The following UBE2E2 variants were observed in gnomAD, a reference collection of about 807,000 sequenced individuals.
UBE2E2 encodes ubiquitin-conjugating enzyme E2 E2.
In UBE2E2, 6 loss-of-function variants were observed where a neutral mutation model predicts 24.7. The observed-to-expected ratio is 0.24, with a 90% CI of 0.13 to 0.48. UBE2E2 has a LOEUF of 0.48. UBE2E2 is among the 20% of genes least tolerant of loss of function. UBE2E2 has a pLI of 0.99. For synonymous variants in UBE2E2, 104 were observed against 83.6 expected (o/e 1.24, Z -1.33); for missense variants, 169 against 245.0 (o/e 0.69, Z 2.07).
chr3:23,234,289 G>T (rs1260558892), intron 3 of UBE2E2, among the ~76,000 whole-genome samples: 1 of 151,838 alleles, frequency 6.6e-6, no homozygotes, highest in Non-Finnish European at 1.5e-5. Flanking sequence ...CAAACTGAGT[G>T]CAGCTTTGTA....
intron 3 of UBE2E2, among the ~76,000 whole-genome samples, chr3:23,281,422 G>A (rs1559331781): frequency 6.6e-6 from 1 of 152,214 alleles, no homozygotes; most frequent in Non-Finnish European, 1.5e-5. Context: ...CTTGAAGCCA[G>A]AAGTTTGAGA....
chr3:23,357,903 A>T (rs1317862571), intron 3 of UBE2E2, among the ~76,000 whole-genome samples: 2 of 152,188 alleles, frequency 1.3e-5, no homozygotes, highest in African/African-American at 4.8e-5. Context: ...CACTGGCACA[A>T]TCACAGCTCA....
At chr3:23,205,320 C>T (rs1696118499) in intron 1 of UBE2E2, among the ~76,000 whole-genome samples, 3 of 152,060 alleles carry the variant, frequency 2.0e-5, no homozygotes, top group Admixed American at 6.6e-5. Flanking sequence ...ATAATCGGAT[C>T]AGATTAGCTA....
intron 3 of UBE2E2, among the ~76,000 whole-genome samples, chr3:23,321,696 C>T (rs932656034): frequency 6.7e-6 from 1 of 149,176 alleles, no homozygotes; most frequent in Non-Finnish European, 1.5e-5. Context: ...GACTGAATTT[C>T]GATAGATTTT....
rs934163788 is a variant in UBE2E2 at position 23,428,207 on chromosome 3, G to A, written c.228-71401G>A. Among the ~76,000 whole-genome samples, 9 of 152,270 alleles carry A rather than the reference G, an allele frequency of 5.9e-5. No individual in the cohort carries two copies. In the East Asian group the frequency reaches 1.4e-3, roughly 23 times the overall value. On this transcript the variant is annotated intron_variant, in intron 3 of 5. Transcript: ENST00000396703. ...TTAACTAATTTTAAAAATGCTGTGC[G>A]ACCACAATGGAGTTAAACTAGAAAT...
chr3:23,534,083 G>GTA, intron 5 of UBE2E2: 1 of 569,344 alleles, frequency 1.8e-6, no homozygotes, highest in Non-Finnish European at 2.2e-6. Context: ...CTGTGACTGT[G>GTA]TATAACCTTG....
At chr3:23,316,895 C>G (rs947724387) in intron 3 of UBE2E2, among the ~76,000 whole-genome samples, 3 of 152,100 alleles carry the variant, frequency 2.0e-5, no homozygotes, top group Non-Finnish European at 2.9e-5. Context: ...CTAGAAATGT[C>G]ATCCAGGGAA....
At chr3:23,428,702 T>A (rs558972313) in intron 3 of UBE2E2, among the ~76,000 whole-genome samples, 1 of 151,956 alleles carries the variant, frequency 6.6e-6, no homozygotes, top group African/African-American at 2.4e-5. Flanking sequence ...GGGCCAGGTG[T>A]GGTGGCTCAC....
At position 23,527,782 on chromosome 3, in the gene UBE2E2, G is replaced by A. The variant is rs372682048; in HGVS notation, c.361-4772G>A. The stretch of plus-strand genomic sequence containing the variant: ...GGTTGCTGAACTCATGGAGGTTGTT[G>A]TACCCCAAGAGGGCATGGCAACTCT... On this transcript the variant is annotated intron_variant, in intron 4 of 5. Coordinates refer to ENST00000396703, the MANE Select transcript of UBE2E2 (RefSeq NM_152653.4). 2.5e-4 allele frequency among the ~76,000 whole-genome samples: 38 copies of A among 152,186 alleles called. No individual in the cohort carries two copies. In the East Asian group the frequency reaches 4.4e-3, roughly 18 times the overall value.
chr3:23,569,014 A>G (rs1450189180), intron 5 of UBE2E2, among the ~76,000 whole-genome samples: 1 of 152,022 alleles, frequency 6.6e-6, no homozygotes, highest in Non-Finnish European at 1.5e-5. Flanking sequence ...ATATGTCCAC[A>G]TAAAAAGGTG....
chr3:23,446,112 G>A (rs531983837), intron 3 of UBE2E2, among the ~76,000 whole-genome samples: 76 of 152,184 alleles, frequency 5.0e-4, no homozygotes, highest in Middle Eastern at 3.4e-3. Context: ...TATCACACTC[G>A]GTCACTCTTG....
chr3:23,517,675 T>A (rs1248964891), intron 4 of UBE2E2, among the ~76,000 whole-genome samples: 1 of 152,206 alleles, frequency 6.6e-6, no homozygotes, highest in Non-Finnish European at 1.5e-5. Context: ...CTAGCCTGTC[T>A]ACAAAAAATT....
At chr3:23,369,166 GT>G (rs1397432182) in intron 3 of UBE2E2, among the ~76,000 whole-genome samples, 7 of 152,126 alleles carry the variant, frequency 4.6e-5, no homozygotes, top group Non-Finnish European at 1.0e-4. Flanking sequence ...GATGCTGTTT[GT>G]ATTGTTAAAA....
At chr3:23,402,080 C>T (rs918566174) in intron 3 of UBE2E2, among the ~76,000 whole-genome samples, 1 of 151,992 alleles carries the variant, frequency 6.6e-6, no homozygotes, top group African/African-American at 2.4e-5. Context: ...TGGTATAGAA[C>T]TCCTGACAGG....
chr3:23,329,312 A>G (rs1408883012), intron 3 of UBE2E2, among the ~76,000 whole-genome samples: 2 of 152,214 alleles, frequency 1.3e-5, no homozygotes, highest in Non-Finnish European at 2.9e-5. Flanking sequence ...TGAACATTCA[A>G]TAAATTTTAT....
At chr3:23,303,909 C>A (rs919598268) in intron 3 of UBE2E2, among the ~76,000 whole-genome samples, 1 of 152,202 alleles carries the variant, frequency 6.6e-6, no homozygotes. Context: ...GGGCAAATTT[C>A]AACCAATGTA....
Position 23,319,382 on chromosome 3 carries a change from C to T in UBE2E2, c.227+102070C>T, listed in dbSNP as rs7639224. ...TCTCCTTTAATGTTTTAGCTTCTACCTCTGTGAAAATGTTGTGTGTGTTAG... is the reference window on the plus strand; with the variant it reads ...TCTCCTTTAATGTTTTAGCTTCTACTTCTGTGAAAATGTTGTGTGTGTTAG... On this transcript the variant is annotated intron_variant, in intron 3 of 5. Transcript: ENST00000396703. Among the ~76,000 whole-genome samples the T allele has an allele frequency of 9.9e-3, 1,505 of 152,186 alleles. 21 individuals carry two copies. Among genetic ancestry groups the T allele is most frequent in the African/African-American group, 0.035 (1,435 of 41,536 alleles).
chr3:23,478,291 A>C (rs1699181464), intron 3 of UBE2E2, among the ~76,000 whole-genome samples: 1 of 152,234 alleles, frequency 6.6e-6, no homozygotes, highest in East Asian at 1.9e-4. Context: ...ACAGGCAACA[A>C]CATAACCAGG....
At chr3:23,509,135 C>T (rs1028992513) in intron 4 of UBE2E2, among the ~76,000 whole-genome samples, 2 of 152,164 alleles carry the variant, frequency 1.3e-5, no homozygotes, top group Non-Finnish European at 2.9e-5. Flanking sequence ...GAGAAACACT[C>T]TAAGCACATA....
Sources: gnomAD v4.1 joint callset for allele counts (sites outside exome capture counted in the v4.1 genomes callset) on GRCh38, gnomAD v4.1.1 for gene constraint, MANE v1.5 for transcripts, NCBI Gene and HGNC (gene_info 2026-07-23, HGNC 2026-07-21) for gene names.